ZNF189: variants seen among roughly 807,000 people sequenced by gnomAD.
ZNF189 encodes the protein zinc finger protein 189.
ZNF189 carries 33 observed loss-of-function variants against 53.5 expected under a neutral mutation model. That is an observed-to-expected ratio of 0.62 (90% CI 0.47 to 0.82). ZNF189 has a LOEUF of 0.82. Among genes scored for constraint, ZNF189 ranks in the 40% least tolerant of loss-of-function variants. The pLI, the probability that ZNF189 is intolerant of heterozygous loss-of-function variation, is 0.00. For missense variants in ZNF189, 711 were observed against 753.9 expected, an observed-to-expected ratio of 0.94 and a Z score of 0.67; for synonymous variants, 247 against 238.8, an observed-to-expected ratio of 1.03 and a Z score of -0.32.
intron 2 of ZNF189, among the ~76,000 whole-genome samples, chr9:101,403,677 C>A (rs997080041): frequency 7.2e-5 from 11 of 152,358 alleles, no homozygotes; most frequent in African/African-American, 2.6e-4. Flanking sequence ...ACTGTGTCTT[C>A]ACATGGCAGA....
rs1451974446 is a variant in ZNF189 at position 101,408,950 on chromosome 9, C to T, written c.1182C>T (p.His394=). ...ACCTTACTCGTCATCAGAGAATTCA[C>T]ACAGGAGACAAGCCCCATAAATGTG... ...LCNLTRHQRI[H]TGDKPHKCEE... The change falls in exon 3 of 3, where the codon CAC becomes CAT. Residue 394 remains histidine (H), a synonymous_variant. Coordinates refer to ENST00000339664, the MANE Select transcript of ZNF189 (RefSeq NM_003452.4). 1 of 1,613,940 alleles carries T rather than the reference C, an allele frequency of 6.2e-7. No homozygotes were observed. The highest frequency in any genetic ancestry group is 2.2e-5 in the East Asian group (1 of 44,846).
intron 2 of ZNF189, among the ~76,000 whole-genome samples, chr9:101,404,178 G>GT (rs1443566060): frequency 6.6e-6 from 1 of 152,092 alleles, no homozygotes; most frequent in African/African-American, 2.4e-5. Flanking sequence ...CCTTACTCTT[G>GT]TTTTTTTCAC....
Position 101,408,409 on chromosome 9 carries a change from G to A in ZNF189, c.641G>A (p.Ser214Asn). 3.1e-6 allele frequency: 5 copies of A among 1,614,074 alleles called. No individual in the cohort carries two copies. The highest frequency in any genetic ancestry group is 4.2e-6 in the Non-Finnish European group (5 of 1,180,010). The change falls in exon 3 of 3, where the codon AGT (serine) becomes AAT (asparagine). Residue 214 changes from serine to asparagine, a missense_variant. Coordinates refer to ENST00000339664, the MANE Select transcript of ZNF189 (RefSeq NM_003452.4). ...TGTAATTACTGTGGAAAAACCTTTA[G>A]TGTGAGCTCAACCCTTATTAGACAT... is the stretch of plus-strand genomic sequence containing the variant. Reference protein sequence around the residue: ...YECNYCGKTFSVSSTLIRHQR... With the variant: ...YECNYCGKTFNVSSTLIRHQR...
Position 101,408,287 on chromosome 9 carries a change from G to A in ZNF189, c.519G>A (p.Glu173=). ...FIQHQRVHTG[E]KPFQCNECGK... is the part of the protein sequence containing the mutation. ...AACATCAAAGGGTCCATACTGGTGA[G>A]AAACCTTTTCAGTGCAATGAATGTG... is the stretch of plus-strand genomic sequence containing the variant. The change falls in exon 3 of 3, where the codon GAG becomes GAA. Residue 173 remains glutamate (E), a synonymous_variant. Coordinates refer to ENST00000339664, the MANE Select transcript of ZNF189 (RefSeq NM_003452.4). 1 of 1,614,110 alleles carries A rather than the reference G, an allele frequency of 6.2e-7. No homozygotes were observed. Among genetic ancestry groups the A allele is most frequent in the Non-Finnish European group, 8.5e-7 (1 of 1,180,014 alleles).
Position 101,408,687 on chromosome 9 carries a change from C to CA in ZNF189, c.922dup (p.Arg308LysfsTer10). ...TCGAAATTCATTGCTTGTTGAGCAT[C>CA]AAAGAATTCACACTGGGGAAAGACC... On this transcript the variant is annotated frameshift_variant, in exon 3 of 3. Coordinates refer to ENST00000339664, the MANE Select transcript of ZNF189 (RefSeq NM_003452.4). LOFTEE classifies it high-confidence loss of function. 2 of 1,614,168 alleles carry CA rather than the reference C, an allele frequency of 1.2e-6. No homozygotes were observed. Among genetic ancestry groups the CA allele is most frequent in the Non-Finnish European group, 1.7e-6 (2 of 1,180,016 alleles).
chr9:101,409,094 T>C lies in ZNF189; in HGVS notation c.1326T>C (p.Ser442=). 1 of 1,613,798 alleles carries C rather than the reference T, an allele frequency of 6.2e-7. No homozygotes were observed. The highest frequency in any genetic ancestry group is 8.5e-7 in the Non-Finnish European group (1 of 1,179,934). The part of the protein sequence containing the change: ...ETKESFDPNC[S]LVIQQEVYPK... ...AGGAAAGTTTTGATCCAAATTGCAG[T>C]CTTGTTATACAGCAGGAAGTCTACC... Residue 442 remains serine, a synonymous_variant, in exon 3 of 3, where the codon AGT becomes AGC. Transcript: ENST00000339664.
rs770389138 is a variant in ZNF189, at chr9:101,407,896, G to A, written c.161-33G>A. 6.1e-6 allele frequency: 9 copies of A among 1,483,740 alleles called. No individual in the cohort carries two copies. The East Asian group carries it at 1.7e-4, about 28-fold the overall frequency. 91.9% of individuals were successfully genotyped at this position (1,483,740 alleles called of 1,614,324 possible). ...GTTTCTCCTTGCTTCAAAGACCTTG[G>A]TTGATCTTTGTATTTCCTTTTTATT... On this transcript the variant is annotated intron_variant, in intron 2 of 2. Transcript: ENST00000339664.
intron 2 of ZNF189, among the ~76,000 whole-genome samples, chr9:101,401,738 TG>T (rs1349554625): frequency 6.6e-6 from 1 of 152,190 alleles, no homozygotes; most frequent in Non-Finnish European, 1.5e-5. Flanking sequence ...AACACGTCAT[TG>T]TCAAATGCAG....
Position 101,409,673 on chromosome 9 carries a change from AT to A in ZNF189, c.*27del. On this transcript the variant is annotated 3_prime_UTR_variant, in exon 3 of 3. Coordinates refer to ENST00000339664, the MANE Select transcript of ZNF189 (RefSeq NM_003452.4). ...AAATGTAGAGCAATACATAAGCTCA[AT>A]TTGATTTGAGACTAGTACCCAAGTG... 6.4e-7 allele frequency: 1 copy of A among 1,564,838 alleles called. No individual in the cohort carries two copies. The highest frequency in any genetic ancestry group is 8.6e-7 in the Non-Finnish European group (1 of 1,159,196).
In ZNF189 at chr9:101,399,257, T is replaced by C. The variant is rs566928824; in HGVS notation, c.33+68T>C. 9.2e-5 allele frequency: 132 copies of C among 1,430,944 alleles called. 1 individual carries two copies. Among genetic ancestry groups the C allele is most frequent in the Non-Finnish European group, 1.2e-4 (128 of 1,049,234 alleles). The allele number at this position is 1,430,944 out of a possible 1,614,324, so 88.6% of individuals were successfully genotyped here. ...ACCCCAGCTAGGCCGCACCACTGCTTTCTCCCCCAGGCCCCCCACCAACCT... is the reference window on the plus strand; with the variant it reads ...ACCCCAGCTAGGCCGCACCACTGCTCTCTCCCCCAGGCCCCCCACCAACCT... On this transcript the variant is annotated intron_variant, in intron 1 of 2. Coordinates refer to ENST00000339664, the MANE Select transcript of ZNF189 (RefSeq NM_003452.4).
rs1830803499 is a variant in ZNF189, at chr9:101,408,470, T to C, written c.702T>C (p.Cys234=). 1 of 1,614,092 alleles carries C rather than the reference T, an allele frequency of 6.2e-7. No homozygotes were observed. Among genetic ancestry groups the C allele is most frequent in the Non-Finnish European group, 8.5e-7 (1 of 1,180,008 alleles). ...ACACTGGAGAAAGACCCTATCAGTG[T>C]AATCAGTGTAAACAGAGCTTCAGCC... is the stretch of plus-strand genomic sequence containing the variant. ...RIHTGERPYQ[C]NQCKQSFSQR... The change falls in exon 3 of 3, where the codon TGT becomes TGC. Residue 234 remains cysteine, a synonymous_variant. Coordinates refer to ENST00000339664, the MANE Select transcript of ZNF189 (RefSeq NM_003452.4).
At chr9:101,405,593 G>T (rs554464316) in intron 2 of ZNF189, among the ~76,000 whole-genome samples, 1 of 152,142 alleles carries the variant, frequency 6.6e-6, no homozygotes, top group South Asian at 2.1e-4. Context: ...GGATGTAAAT[G>T]TGGGTAACAA....
At chr9:101,400,747 A>G (rs1830502868) in intron 2 of ZNF189, among the ~76,000 whole-genome samples, 1 of 152,158 alleles carries the variant, frequency 6.6e-6, no homozygotes. Flanking sequence ...TACATCATTG[A>G]TCATACCAGT....
chr9:101,409,465 A>G lies in ZNF189; in HGVS notation c.1697A>G (p.Lys566Arg). 1 of 1,614,196 alleles carries G rather than the reference A, an allele frequency of 6.2e-7. No individual in the cohort carries two copies. The highest frequency in any genetic ancestry group is 1.1e-5 in the South Asian group (1 of 91,086). Residue 566 changes from lysine (K) to arginine (R), a missense_variant, in exon 3 of 3, where the codon AAA (lysine) becomes AGA (arginine). By Grantham distance (26) the Lys-to-Arg change is conservative. Coordinates refer to ENST00000339664, the MANE Select transcript of ZNF189 (RefSeq NM_003452.4). ...IQHQRIHTGE[K>R]PYKCEKCDKS... ...CATCAGAGAATACACACAGGAGAGA[A>G]ACCTTATAAGTGTGAGAAGTGCGAC... is the stretch of plus-strand genomic sequence containing the variant.
chr9:101,400,934 C>T (rs747781342), intron 2 of ZNF189, among the ~76,000 whole-genome samples: 2 of 152,208 alleles, frequency 1.3e-5, no homozygotes, highest in Admixed American at 1.3e-4. Flanking sequence ...TAAACCCATT[C>T]ATTATTAACG....
At chr9:101,402,149 C>T (rs906163209) in intron 2 of ZNF189, among the ~76,000 whole-genome samples, 4 of 152,158 alleles carry the variant, frequency 2.6e-5, no homozygotes, top group Non-Finnish European at 4.4e-5. Context: ...CTCCCGATCT[C>T]AGGTGATCCG....
chr9:101,399,484 A>G, intron 1 of ZNF189: 1 of 1,294,056 alleles, frequency 7.7e-7, no homozygotes, highest in Non-Finnish European at 9.8e-7. Flanking sequence ...ACCATTTTTG[A>G]CCTTCCCTTG....
intron 2 of ZNF189, among the ~76,000 whole-genome samples, chr9:101,404,570 C>G (rs775581286): frequency 1.3e-5 from 2 of 152,026 alleles, no homozygotes; most frequent in African/African-American, 2.4e-5. Context: ...TATTGTGAAG[C>G]ATTTATATCA....
chr9:101,400,635 A>G (rs1264637147), intron 2 of ZNF189, among the ~76,000 whole-genome samples: 2 of 152,124 alleles, frequency 1.3e-5, no homozygotes, highest in African/African-American at 4.8e-5. Flanking sequence ...ACTTTGTCAC[A>G]TGTTTCATAG....
Sources: gnomAD v4.1 joint callset for allele counts (sites outside exome capture counted in the v4.1 genomes callset) on GRCh38, gnomAD v4.1.1 for gene constraint, MANE v1.5 for transcripts, NCBI Gene and HGNC (gene_info 2026-07-23, HGNC 2026-07-21) for gene names.